Variants in ATP1A2 observed in about 807,000 individuals in gnomAD.
ATP1A2 encodes sodium/potassium-transporting ATPase subunit alpha-2.
A neutral mutation model predicts 113.1 loss-of-function variants in ATP1A2; 56 were observed. The observed-to-expected ratio is 0.49, with a 90% CI of 0.40 to 0.62. The LOEUF (loss-of-function observed/expected upper bound fraction) is 0.62, where lower values mean the gene tolerates loss of function less well. Among genes scored for constraint, ATP1A2 ranks in the 20% least tolerant of loss-of-function variants. The pLI is 0.00. For missense variants in ATP1A2, 712 were observed against 1,357.8 expected (o/e 0.52, Z 7.47); for synonymous variants, 490 against 526.8 (o/e 0.93, Z 0.96).
chr1:160,132,078 T>C (rs1651792552), intron 13 of ATP1A2, among the ~76,000 whole-genome samples: 1 of 152,156 alleles, frequency 6.6e-6, no homozygotes, highest in South Asian at 2.1e-4. Flanking sequence ...AACTGGACGA[T>C]GTTTGACAAA....
Position 160,130,225 on chromosome 1 carries a change from A to G in ATP1A2, c.1585A>G (p.Lys529Glu). ...GCAGGGCAAGGAGATCCCGCTCGAC[A>G]AGGAGATGCAAGATGCCTTTCAAAA... ...LVQGKEIPLD[K>E]EMQDAFQNAY... The change falls in exon 12 of 23, where the codon AAG becomes GAG. Residue 529 changes from lysine (K) to glutamate (E), a missense_variant. By Grantham distance (56) the Lys-to-Glu change is moderately conservative. This residue lies in a region of ATP1A2 where 263 missense variants were observed against 380.6 expected (regional missense o/e 0.69). Transcript: ENST00000361216. 6.2e-7 allele frequency: 1 copy of G among 1,614,200 alleles called. No homozygotes were observed. The highest frequency in any genetic ancestry group is 8.5e-7 in the Non-Finnish European group (1 of 1,180,040).
At position 160,124,288 on chromosome 1, in the gene ATP1A2, C is replaced by G. The variant is rs1206648013; in HGVS notation, c.496-8C>G. 1.3e-6 allele frequency: 2 copies of G among 1,595,804 alleles called. No homozygotes were observed. Among genetic ancestry groups the G allele is most frequent in the Middle Eastern group, 1.8e-4 (1 of 5,618 alleles). ...AGCATTTCATGAGCTGCCTGTGGCT[C>G]CCCACAGCAAGCCCTTGTGATCCGG... On this transcript the variant is annotated splice_polypyrimidine_tract_variant and splice_region_variant and intron_variant, in intron 5 of 22. Transcript: ENST00000361216.
Position 160,123,269 on chromosome 1 carries a change from C to G in ATP1A2, c.234C>G (p.Leu78=), listed in dbSNP as rs1467776281. 1 of 1,614,120 alleles carries G rather than the reference C, an allele frequency of 6.2e-7. No homozygotes were observed. The highest frequency in any genetic ancestry group is 1.3e-5 in the African/African-American group (1 of 74,936). The change falls in exon 4 of 23, where the codon CTC becomes CTG. Residue 78 remains leucine, a synonymous_variant. Coordinates refer to ENST00000361216, the MANE Select transcript of ATP1A2 (RefSeq NM_000702.4). ...DVLARDGPNA[L]TPPPTTPEWV... ...TGGCTCGAGATGGGCCCAACGCCCT[C>G]ACACCACCTCCCACAACCCCTGAGT...
rs376128790 is a variant in ATP1A2 at position 160,130,218 on chromosome 1, G to A, written c.1578G>A (p.Pro526=). ...STILVQGKEI[P]LDKEMQDAFQ... is the part of the protein sequence containing the mutation. ...TCCTGGTGCAGGGCAAGGAGATCCCGCTCGACAAGGAGATGCAAGATGCCT... is the reference window on the plus strand; with the variant it reads ...TCCTGGTGCAGGGCAAGGAGATCCCACTCGACAAGGAGATGCAAGATGCCT... The change falls in exon 12 of 23, where the codon CCG becomes CCA. Residue 526 remains proline (P), a synonymous_variant. Coordinates refer to ENST00000361216, the MANE Select transcript of ATP1A2 (RefSeq NM_000702.4). 102 of 1,614,176 alleles carry A rather than the reference G, an allele frequency of 6.3e-5. No individual in the cohort carries two copies. The highest frequency in any genetic ancestry group is 8.5e-5 in the Non-Finnish European group (100 of 1,180,022).
chr1:160,122,420 GAAA>G (rs112709297), intron 3 of ATP1A2, among the ~76,000 whole-genome samples: 9 of 137,126 alleles, frequency 6.6e-5, no homozygotes, highest in Non-Finnish European at 1.2e-4. Context: ...ATGAATGAAT[GAAA>G]AAAAAAAAAA....
intron 19 of ATP1A2, 41 bp from the exon 20 acceptor site, chr1:160,136,860 C>T (rs1410508501): frequency 6.2e-7 from 1 of 1,614,222 alleles, no homozygotes; most frequent in Admixed American, 1.7e-5. Context: ...CCTACCCTTT[C>T]CTCCGACACT....
At chr1:160,126,848 A>T (rs560428572) in intron 7 of ATP1A2, among the ~76,000 whole-genome samples, 2 of 152,350 alleles carry the variant, frequency 1.3e-5, no homozygotes, top group South Asian at 4.1e-4. Flanking sequence ...AATGCCTAGT[A>T]ATACATTCCT....
chr1:160,135,647 C>G lies in ATP1A2; in HGVS notation c.2284+45C>G. 6.2e-7 allele frequency: 1 copy of G among 1,612,502 alleles called. No individual in the cohort carries two copies. ...TGGGATGGTTTGCAGGATACTGAAG[C>G]CGGCACCTCTGTTCCCTGTCCCTTT... is the stretch of plus-strand genomic sequence containing the variant. On this transcript the variant is annotated intron_variant, in intron 16 of 22. Transcript: ENST00000361216. The surrounding 1 kb of genome is among the most constrained non-coding windows in gnomAD (Gnocchi z 6.3).
chr1:160,131,024 C>A (rs1466979156), intron 13 of ATP1A2, among the ~76,000 whole-genome samples: 1 of 152,186 alleles, frequency 6.6e-6, no homozygotes, highest in Non-Finnish European at 1.5e-5. Flanking sequence ...GCCTCCCACT[C>A]AAGGTTCTCT....
chr1:160,140,054 G>C, intron 22 of ATP1A2, 70 bp downstream of exon 22: 1 of 1,454,094 alleles, frequency 6.9e-7, no homozygotes. Context: ...AGGACCACAC[G>C]CAGACTCCAC....
intron 19 of ATP1A2, 81 bp from the exon 20 acceptor site, chr1:160,136,820 G>A: frequency 2.5e-6 from 4 of 1,614,046 alleles, no homozygotes; most frequent in Non-Finnish European, 3.4e-6. Flanking sequence ...GGCTAGGGGT[G>A]GATCAGGAGA....
intron 14 of ATP1A2, 46 bp downstream of exon 14, chr1:160,134,666 C>G: frequency 1.2e-6 from 2 of 1,614,016 alleles, no homozygotes; most frequent in South Asian, 2.2e-5. Context: ...AACACGTCCT[C>G]TTGCACAGAA....
chr1:160,137,137 G>C, intron 20 of ATP1A2, 106 bp downstream of exon 20: 1 of 1,570,454 alleles, frequency 6.4e-7, no homozygotes, highest in Non-Finnish European at 8.7e-7. Flanking sequence ...CTGTAAGGAG[G>C]GCATCAGATT....
intron 1 of ATP1A2, among the ~76,000 whole-genome samples, chr1:160,116,508 T>C (rs114499445): frequency 0.023 from 3,371 of 143,876 alleles, 55 homozygotes; most frequent in Middle Eastern, 0.052. Context: ...AGCCATGGGC[T>C]TTGAGGACTT....
intron 1 of ATP1A2, 69 bp from the exon 2 acceptor site, chr1:160,120,837 C>A: frequency 6.7e-7 from 1 of 1,493,150 alleles, no homozygotes; most frequent in African/African-American, 1.4e-5. Context: ...GGCTCCCTGG[C>A]TGAGTGGTGG....
At chr1:160,134,976 C>T (rs1447176067) in intron 14 of ATP1A2, among the ~76,000 whole-genome samples, 169 bp from the exon 15 acceptor site, 1 of 152,170 alleles carries the variant, frequency 6.6e-6, no homozygotes, top group East Asian at 1.9e-4. Flanking sequence ...GACTCACATT[C>T]TCAAAGAGAA....
At chr1:160,140,897 G>A (rs76024834) in intron 22 of ATP1A2, 2,414 of 125,556 alleles carry the variant, frequency 0.019, 73 homozygotes, top group African/African-American at 0.073. Context: ...TCGCTCTGTC[G>A]CCCAACCAGG....
intron 17 of ATP1A2, 65 bp from the exon 18 acceptor site, chr1:160,136,182 A>T: frequency 1.2e-6 from 2 of 1,610,798 alleles, no homozygotes; most frequent in Middle Eastern, 1.7e-4. Flanking sequence ...TCGAAGATCA[A>T]TTGCTTCTGT....
At chr1:160,123,565 C>A in intron 4 of ATP1A2, 149 bp downstream of exon 4, 1 of 957,724 alleles carries the variant, frequency 1.0e-6, no homozygotes, top group East Asian at 2.5e-5. Flanking sequence ...GGAGAGGCTT[C>A]TATATATATC....
Sources: allele counts gnomAD v4.1 joint callset (sites outside exome capture counted in the v4.1 genomes callset), GRCh38; gene constraint gnomAD v4.1.1; regional missense constraint gnomAD v4.1.1; non-coding constraint Gnocchi (gnomAD v3.1); transcripts MANE v1.5; gene names NCBI Gene and HGNC (gene_info 2026-07-23, HGNC 2026-07-21).